Variants in TENM4 observed in about 807,000 individuals in gnomAD.
TENM4 encodes teneurin transmembrane protein 4.
Under a neutral mutation model 243.3 loss-of-function variants are expected in TENM4, and 82 were observed. The observed-to-expected ratio is 0.34, with a 90% CI of 0.28 to 0.40. The LOEUF is 0.40. TENM4 is among the 10% of genes least tolerant of loss of function. TENM4 has a pLI of 1.00. For synonymous variants in TENM4, 1,412 were observed against 1,456.3 expected (o/e 0.97, Z 0.69); for missense variants, 3,138 against 3,673.3 (o/e 0.85, Z 3.77).
At chr11:79,333,967 C>T (rs1390234689) in intron 1 of TENM4, among the ~76,000 whole-genome samples, 1 of 152,168 alleles carries the variant, frequency 6.6e-6, no homozygotes, top group East Asian at 1.9e-4. Flanking sequence ...AGGGCTATTG[C>T]TGTGGACTAT....
intron 25 of TENM4, among the ~76,000 whole-genome samples, chr11:78,718,536 T>C (rs1200954533): frequency 6.6e-6 from 1 of 152,202 alleles, no homozygotes; most frequent in Non-Finnish European, 1.5e-5. Flanking sequence ...GCCTTCTGAC[T>C]CTTCCCAGCT....
At chr11:78,739,044 T>C (rs894351783) in intron 19 of TENM4, among the ~76,000 whole-genome samples, 17 of 152,242 alleles carry the variant, frequency 1.1e-4, no homozygotes, top group Admixed American at 7.2e-4. Flanking sequence ...ATTACTGTTA[T>C]TAACAGTCTC....
At chr11:78,684,513 TTC>T (rs946761773) in intron 29 of TENM4, among the ~76,000 whole-genome samples, 4 of 151,906 alleles carry the variant, frequency 2.6e-5, no homozygotes, top group Non-Finnish European at 4.4e-5. Flanking sequence ...ACCATCCCAT[TTC>T]TCTCTCTCTC....
chr11:78,724,812 C>A (rs559572839), intron 23 of TENM4, among the ~76,000 whole-genome samples: 14 of 152,338 alleles, frequency 9.2e-5, no homozygotes, highest in African/African-American at 3.4e-4. Flanking sequence ...CCTTACAATG[C>A]AAGGGACTTG....
chr11:78,909,178 T>C (rs1856127207), intron 6 of TENM4, among the ~76,000 whole-genome samples: 1 of 152,226 alleles, frequency 6.6e-6, no homozygotes, highest in Non-Finnish European at 1.5e-5. Context: ...GAGATGCTCA[T>C]AGTCTAGTAA....
intron 14 of TENM4, 117 bp from the exon 15 acceptor site, chr11:78,805,609 G>T: frequency 8.1e-7 from 1 of 1,237,778 alleles, no homozygotes; most frequent in Non-Finnish European, 1.1e-6. Flanking sequence ...GCAGAAGGAT[G>T]CATAGGTCAC....
intron 6 of TENM4, among the ~76,000 whole-genome samples, chr11:78,918,450 TA>T (rs35213447): frequency 0.19 from 27,014 of 142,580 alleles, 5,166 homozygotes; most frequent in African/African-American, 0.51. Flanking sequence ...CTACTTATGT[TA>T]AAAAAAAAAA....
chr11:78,920,393 A>G (rs115923534), intron 6 of TENM4, among the ~76,000 whole-genome samples: 1,981 of 152,310 alleles, frequency 0.013, 42 homozygotes, highest in African/African-American at 0.045. Flanking sequence ...ATCTGTGGAT[A>G]TTAAGTAATA....
chr11:78,800,503 G>A (rs925901796), intron 15 of TENM4, among the ~76,000 whole-genome samples: 2 of 152,134 alleles, frequency 1.3e-5, no homozygotes, highest in African/African-American at 2.4e-5. Context: ...AGGTGGGGAG[G>A]AGGTGGAGTC....
intron 12 of TENM4, among the ~76,000 whole-genome samples, chr11:78,849,158 G>T (rs1249010575): frequency 1.3e-5 from 2 of 152,228 alleles, no homozygotes; most frequent in Non-Finnish European, 2.9e-5. Context: ...GAAAAGATAA[G>T]ATGCTACCTG....
intron 9 of TENM4, among the ~76,000 whole-genome samples, chr11:78,880,425 C>G (rs1301118346): frequency 2.1e-5 from 3 of 143,016 alleles, no homozygotes; most frequent in Non-Finnish European, 4.5e-5. Flanking sequence ...ATCCCCCTCT[C>G]TGAGAAACAC....
chr11:79,345,550 G>A (rs760564276), intron 1 of TENM4, among the ~76,000 whole-genome samples: 2 of 152,186 alleles, frequency 1.3e-5, no homozygotes, highest in Non-Finnish European at 2.9e-5. Context: ...TTATGGGGTA[G>A]TTTATATTCA....
intron 6 of TENM4, among the ~76,000 whole-genome samples, chr11:78,937,302 C>A (rs1210947612): frequency 6.6e-6 from 1 of 152,138 alleles, no homozygotes; most frequent in East Asian, 1.9e-4. Context: ...AATACCTCTC[C>A]ATTTCAGTGC....
At chr11:79,120,291 T>C (rs1427407868) in intron 4 of TENM4, among the ~76,000 whole-genome samples, 1 of 152,200 alleles carries the variant, frequency 6.6e-6, no homozygotes, top group East Asian at 1.9e-4. Flanking sequence ...CTGCAAATGC[T>C]CATAGAAAAA....
chr11:79,302,248 C>T (rs976965354), intron 1 of TENM4, among the ~76,000 whole-genome samples: 3 of 152,322 alleles, frequency 2.0e-5, no homozygotes, highest in Middle Eastern at 3.4e-3. Context: ...CAAACCAGTC[C>T]TGTCTTCAAA....
chr11:79,374,004 G>T (rs1857839561), intron 1 of TENM4, among the ~76,000 whole-genome samples: 1 of 152,220 alleles, frequency 6.6e-6, no homozygotes, highest in South Asian at 2.1e-4. Context: ...AGGAGAGGGG[G>T]GCATGCAGGC....
intron 6 of TENM4, among the ~76,000 whole-genome samples, chr11:79,004,547 A>C (rs1026073417): frequency 5.9e-5 from 9 of 152,334 alleles, no homozygotes; most frequent in Admixed American, 1.3e-4. Context: ...GAAATCAAGA[A>C]ATTCTTTGAA....
chr11:78,728,991 C>CA (rs5792815), intron 22 of TENM4, among the ~76,000 whole-genome samples: 42,050 of 147,560 alleles, frequency 0.28, 7,363 homozygotes, highest in African/African-American at 0.51. Flanking sequence ...TACTGCACCT[C>CA]AAAAAAAAAA....
In TENM4 at chr11:78,658,179, C is replaced by G. The variant is rs754237893; in HGVS notation, c.8189G>C (p.Ser2730Thr). ...GTCGTAGCCTTGCACCCGCCCTGTG[C>G]TCAGCACCTGCTGCTTCTCCCCCTC... ...WTEGEKQQVL[S>T]TGRVQGYDGF... The change falls in exon 34 of 34, where the codon AGC becomes ACC. Residue 2730 changes from serine to threonine, a missense_variant. By Grantham distance (58) the Ser-to-Thr change is moderately conservative (BLOSUM62 1). This residue lies in a region of TENM4 where 2,467 missense variants were observed against 3,059.1 expected (regional missense o/e 0.81). Transcript: ENST00000278550. 51 of 1,614,052 alleles carry G rather than the reference C, an allele frequency of 3.2e-5. No individual in the cohort carries two copies. The East Asian group carries it at 1.1e-3, about 34-fold the overall frequency.
Sources: allele counts gnomAD v4.1 joint callset (sites outside exome capture counted in the v4.1 genomes callset), GRCh38; gene constraint gnomAD v4.1.1; regional missense constraint gnomAD v4.1.1; transcripts MANE v1.5; gene names NCBI Gene and HGNC (gene_info 2026-07-23, HGNC 2026-07-21).